The following CDR2L variants were observed in gnomAD, a reference collection of about 807,000 sequenced individuals.
CDR2L encodes cerebellar degeneration related protein 2 like, also known as cerebellar degeneration-related protein 2-like.
Under a neutral mutation model 36.1 loss-of-function variants are expected in CDR2L, and 19 were observed. The ratio of observed to expected loss-of-function variants is 0.53; its 90% confidence interval spans 0.37 to 0.77. The LOEUF (loss-of-function observed/expected upper bound fraction) is 0.77. Ranked by LOEUF, CDR2L falls within the 30% of genes least tolerant of loss-of-function variation. CDR2L has a pLI of 0.00. For synonymous variants in CDR2L, 285 were observed against 280.4 expected, an observed-to-expected ratio of 1.02 and a Z score of -0.16; for missense variants, 575 against 627.2, an observed-to-expected ratio of 0.92 and a Z score of 0.89.
At chr17:75,003,114 C>T in intron 4 of CDR2L, 69 bp from the exon 5 acceptor site, 1 of 1,505,144 alleles carries the variant, frequency 6.6e-7, no homozygotes, top group Non-Finnish European at 9.0e-7. Flanking sequence ...GCTGCTCGGC[C>T]TTGGCCGTGC....
chr17:75,001,974 G>T (rs1252777896), intron 3 of CDR2L, 90 bp from the exon 4 acceptor site: 2 of 1,158,770 alleles, frequency 1.7e-6, no homozygotes, highest in East Asian at 5.6e-5. Flanking sequence ...CCTACCCAAC[G>T]TCCCTCCATC....
chr17:74,993,880 C>T (rs1418624572), intron 1 of CDR2L, among the ~76,000 whole-genome samples: 1 of 152,230 alleles, frequency 6.6e-6, no homozygotes, highest in African/African-American at 2.4e-5. Flanking sequence ...AAAACCTCAC[C>T]TCTGTGCACA....
At position 75,001,610 on chromosome 17, in the gene CDR2L, A is replaced by G. The variant is rs953723767; in HGVS notation, c.341+121A>G. 27 of 942,402 alleles carry G rather than the reference A, an allele frequency of 2.9e-5. No homozygotes were observed. In the Admixed American group the frequency reaches 8.3e-4, roughly 29 times the overall value. 58.4% of individuals were successfully genotyped at this position (942,402 alleles called of 1,614,324 possible). On this transcript the variant is annotated intron_variant, in intron 3 of 4. Transcript: ENST00000337231. ...CGTCTCCCTAGGAACCGGGGATGGG[A>G]GTGAGCTTGTCCTTGTCGATTTTGT...
rs1215541087 is a variant in CDR2L, at chr17:75,004,057, A to C, written c.1381A>C (p.Thr461Pro). ...KADINATKVKTHSSK is the reference protein window; with the variant it reads ...KADINATKVKPHSSK The stretch of plus-strand genomic sequence containing the variant: ...TGACATCAACGCCACCAAAGTCAAG[A>C]CGCACAGCAGCAAGTGACCCTTCTC... Residue 461 changes from threonine (T) to proline (P), a missense_variant, in exon 5 of 5, where the codon ACG becomes CCG. Coordinates refer to ENST00000337231, the MANE Select transcript of CDR2L (RefSeq NM_014603.3). The C allele has an allele frequency of 4.4e-6, 7 of 1,608,948 alleles. No homozygotes were observed. Among genetic ancestry groups the C allele is most frequent in the Non-Finnish European group, 5.9e-6 (7 of 1,177,662 alleles).
Position 75,002,256 on chromosome 17 carries a change from T to G in CDR2L, c.506+28T>G. 1.3e-6 allele frequency: 2 copies of G among 1,586,360 alleles called. No individual in the cohort carries two copies. Among genetic ancestry groups the G allele is most frequent in the Non-Finnish European group, 1.7e-6 (2 of 1,167,188 alleles). ...AGGTGAGAGCACTGCTTGGTGTCTC[T>G]GGGATTGCCAGCCATGGGAGGAAGG... On this transcript the variant is annotated intron_variant, in intron 4 of 4. Coordinates refer to ENST00000337231, the MANE Select transcript of CDR2L (RefSeq NM_014603.3). The surrounding 1 kb of genome is among the most constrained non-coding windows in gnomAD (Gnocchi z 4.1).
At position 75,002,220 on chromosome 17, in the gene CDR2L, C is replaced by T. The variant is rs1462434177; in HGVS notation, c.498C>T (p.Thr166=). The stretch of plus-strand genomic sequence containing the variant: ...TCCCCTGCCTCAAGGAGCTGTGCAC[C>T]AGCCCCCGGTAGGTGAGAGCACTGC... ...HTFPCLKELC[T]SPRCKDAFRL... The change falls in exon 4 of 5, where the codon ACC becomes ACT. Residue 166 remains threonine (T), a synonymous_variant. Transcript: ENST00000337231. This position sits in a 1 kb window ranked among gnomAD's most constrained non-coding sequence, Gnocchi z 4.1. 11 of 1,608,006 alleles carry T rather than the reference C, an allele frequency of 6.8e-6. No individual in the cohort carries two copies. In the East Asian group the frequency reaches 2.5e-4, roughly 36 times the overall value.
At chr17:75,000,212 C>T (rs2039856649) in intron 2 of CDR2L, among the ~76,000 whole-genome samples, 1 of 152,206 alleles carries the variant, frequency 6.6e-6, no homozygotes, top group African/African-American at 2.4e-5. Context: ...GAGGTTGAGG[C>T]TGCAGTGAGC....
intron 1 of CDR2L, among the ~76,000 whole-genome samples, chr17:74,992,886 G>A (rs769896326): frequency 5.3e-5 from 8 of 152,304 alleles, no homozygotes; most frequent in Admixed American, 1.3e-4. Flanking sequence ...ACCTGGAAGT[G>A]GGGGGTATGA....
rs187641873 is a variant in CDR2L at position 75,001,549 on chromosome 17, A to C, written c.341+60A>C. On this transcript the variant is annotated intron_variant, in intron 3 of 4. Coordinates refer to ENST00000337231, the MANE Select transcript of CDR2L (RefSeq NM_014603.3). ...GGGAGAGCCCCAGGGCTGAGTGTAC[A>C]CAGGGGCCCATGGACTGATGGGTGT... is the stretch of plus-strand genomic sequence containing the variant. 4.0e-4 allele frequency: 558 copies of C among 1,409,072 alleles called. 1 individual carries two copies. In the African/African-American group the frequency reaches 7.4e-3, roughly 19 times the overall value. The allele number at this position is 1,409,072 out of a possible 1,614,324, so 87.3% of individuals were successfully genotyped here. A position where few individuals can be genotyped will look rare whatever the true frequency, so the allele number is the denominator to read the frequency against.
chr17:74,988,712 G>A (rs1443378619), intron 1 of CDR2L, among the ~76,000 whole-genome samples: 2 of 152,196 alleles, frequency 1.3e-5, no homozygotes, highest in Non-Finnish European at 2.9e-5. Context: ...GAGTCGCTTA[G>A]CCCTCCCCTG....
chr17:75,001,813 T>C (rs1354267270), intron 3 of CDR2L, among the ~76,000 whole-genome samples: 6 of 151,962 alleles, frequency 3.9e-5, no homozygotes, highest in Non-Finnish European at 8.8e-5. Context: ...GGACAATAAG[T>C]GATAGAGGAG....
At position 75,002,253 on chromosome 17, in the gene CDR2L, C is replaced by G; in HGVS notation, c.506+25C>G. On this transcript the variant is annotated intron_variant, in intron 4 of 4. Coordinates refer to ENST00000337231, the MANE Select transcript of CDR2L (RefSeq NM_014603.3). The surrounding 1 kb of genome is among the most constrained non-coding windows in gnomAD (Gnocchi z 4.1). Reference sequence around the variant, plus strand: ...GGTAGGTGAGAGCACTGCTTGGTGTCTCTGGGATTGCCAGCCATGGGAGGA... The same window carrying G: ...GGTAGGTGAGAGCACTGCTTGGTGTGTCTGGGATTGCCAGCCATGGGAGGA... 1 of 1,589,282 alleles carries G rather than the reference C, an allele frequency of 6.3e-7. No homozygotes were observed. Among genetic ancestry groups the G allele is most frequent in the Non-Finnish European group, 8.6e-7 (1 of 1,169,028 alleles).
At position 74,988,125 on chromosome 17, in the gene CDR2L, G is replaced by T; in HGVS notation, c.79+3G>T. 6.5e-7 allele frequency: 1 copy of T among 1,526,866 alleles called. No homozygotes were observed. Among genetic ancestry groups the T allele is most frequent in the Non-Finnish European group, 8.8e-7 (1 of 1,137,738 alleles). The allele number at this position is 1,526,866 out of a possible 1,614,324, so 94.6% of individuals were successfully genotyped here. On this transcript the variant is annotated splice_donor_region_variant and intron_variant, in intron 1 of 4. Coordinates refer to ENST00000337231, the MANE Select transcript of CDR2L (RefSeq NM_014603.3). ...CGACCAGCAGGACCTGGAGCAGGGT[G>T]AGCGCGGGGGCGACCGGGACAGGAA...
rs1218576064 is a variant in CDR2L at position 75,003,543 on chromosome 17, G to A, written c.867G>A (p.Gln289=). 6.6e-7 allele frequency: 1 copy of A among 1,512,614 alleles called. No homozygotes were observed. Among genetic ancestry groups the A allele is most frequent in the African/African-American group, 1.4e-5 (1 of 71,946 alleles). 93.7% of individuals were successfully genotyped at this position (1,512,614 alleles called of 1,614,324 possible). Residue 289 remains glutamine, a synonymous_variant, in exon 5 of 5, where the codon CAG becomes CAA. Transcript: ENST00000337231. ...LTQAPEADDP[Q]PGRGDDLGAQ... ...AGGCCCCTGAGGCCGACGATCCCCAGCCCGGCCGCGGGGACGACTTGGGCG... is the reference window on the plus strand; with the variant it reads ...AGGCCCCTGAGGCCGACGATCCCCAACCCGGCCGCGGGGACGACTTGGGCG...
chr17:74,997,022 C>T (rs545726677), intron 1 of CDR2L, among the ~76,000 whole-genome samples: 1 of 151,694 alleles, frequency 6.6e-6, no homozygotes, highest in East Asian at 1.9e-4. Context: ...CAGCAAGCTC[C>T]TATTCACCCT....
Position 75,002,104 on chromosome 17 carries a change from G to A in CDR2L, c.382G>A (p.Glu128Lys). 6.2e-7 allele frequency: 1 copy of A among 1,601,248 alleles called. No individual in the cohort carries two copies. The highest frequency in any genetic ancestry group is 8.5e-7 in the Non-Finnish European group (1 of 1,174,976). ...TIERLQAQVE[E>K]LQAQVEQLRG... is the part of the protein sequence containing the mutation. ...TGAGCGCCTCCAGGCTCAGGTGGAG[G>A]AGCTGCAGGCCCAGGTGGAGCAACT... Residue 128 changes from glutamate to lysine, a missense_variant, in exon 4 of 5, where the codon GAG (glutamate) becomes AAG (lysine). Transcript: ENST00000337231. This position sits in a 1 kb window ranked among gnomAD's most constrained non-coding sequence, Gnocchi z 4.1.
Position 75,003,359 on chromosome 17 carries a change from C to T in CDR2L, c.683C>T (p.Ser228Leu), listed in dbSNP as rs940570812. ...TACACCGCGGTGCTGCAGGAGTACT[C>T]GGAGCTGGAGCGCCAGCTGTGCGAG... Reference protein sequence around the residue: ...REYTAVLQEYSELERQLCEME... With the variant: ...REYTAVLQEYLELERQLCEME... The change falls in exon 5 of 5, where the codon TCG becomes TTG. Residue 228 changes from serine to leucine, a missense_variant. Coordinates refer to ENST00000337231, the MANE Select transcript of CDR2L (RefSeq NM_014603.3). The T allele has an allele frequency of 6.4e-7, 1 of 1,558,118 alleles. No individual in the cohort carries two copies. The highest frequency in any genetic ancestry group is 1.2e-5 in the South Asian group (1 of 84,444).
chr17:74,989,706 G>C lies in CDR2L; in HGVS notation c.79+1584G>C, dbSNP rs1249161183. Among the ~76,000 whole-genome samples the C allele has an allele frequency of 6.6e-6, 1 of 151,996 alleles. No homozygotes were observed. Among genetic ancestry groups the C allele is most frequent in the Non-Finnish European group, 1.5e-5 (1 of 67,976 alleles). The stretch of plus-strand genomic sequence containing the variant: ...GTCTCCCTCTGTCACCCAGGTTGGA[G>C]TGTAATGGTGCGATCTCAGCTCACT... On this transcript the variant is annotated intron_variant, in intron 1 of 4. Coordinates refer to ENST00000337231, the MANE Select transcript of CDR2L (RefSeq NM_014603.3). This position sits in a 1 kb window ranked among gnomAD's most constrained non-coding sequence, Gnocchi z 4.2.
chr17:75,003,014 G>A (rs958051256), intron 4 of CDR2L, among the ~76,000 whole-genome samples, 169 bp from the exon 5 acceptor site: 4 of 152,242 alleles, frequency 2.6e-5, no homozygotes, highest in South Asian at 2.1e-4. Flanking sequence ...AGAGAGCAGG[G>A]GGAGAAGGGT....
Sources: gnomAD v4.1 joint callset for allele counts (sites outside exome capture counted in the v4.1 genomes callset) on GRCh38, gnomAD v4.1.1 for gene constraint, Gnocchi (gnomAD v3.1) non-coding constraint, MANE v1.5 for transcripts, NCBI Gene and HGNC (gene_info 2026-07-23, HGNC 2026-07-21) for gene names.